CSGALNACT1: variants seen among roughly 807,000 people sequenced by gnomAD.
CSGALNACT1 encodes chondroitin sulfate N-acetylgalactosaminyltransferase 1.
Under a neutral mutation model 51.0 loss-of-function variants are expected in CSGALNACT1, and 52 were observed. That is an observed-to-expected ratio of 1.02 (90% CI 0.82 to 1.29). CSGALNACT1 has a LOEUF of 1.29. Among genes scored for constraint, CSGALNACT1 ranks in the 50% most tolerant of loss-of-function variants. CSGALNACT1 has a pLI of 0.00. For missense variants in CSGALNACT1, 935 were observed against 679.2 expected (o/e 1.38, Z -4.19); for synonymous variants, 341 against 254.4 (o/e 1.34, Z -3.24).
intron 4 of CSGALNACT1, among the ~76,000 whole-genome samples, chr8:19,501,119 A>T (rs945689112): frequency 4.2e-4 from 63 of 151,692 alleles, no homozygotes; most frequent in African/African-American, 1.5e-3. Flanking sequence ...GCATAGTGGC[A>T]CGTGCCTGTA....
intron 2 of CSGALNACT1, among the ~76,000 whole-genome samples, chr8:19,598,906 G>T (rs1029078111): frequency 6.6e-6 from 1 of 152,148 alleles, no homozygotes; most frequent in Non-Finnish European, 1.5e-5. Flanking sequence ...TCATTCTTTT[G>T]TTTGGTGCCT....
chr8:19,665,363 T>G (rs1438105932), intron 1 of CSGALNACT1, among the ~76,000 whole-genome samples: 2 of 152,212 alleles, frequency 1.3e-5, no homozygotes, highest in Non-Finnish European at 2.9e-5. Flanking sequence ...TCTTTTGGGC[T>G]TCCAACACAG....
At chr8:19,613,042 A>AT (rs1353757414) in intron 1 of CSGALNACT1, among the ~76,000 whole-genome samples, 1 of 147,896 alleles carries the variant, frequency 6.8e-6, no homozygotes, top group African/African-American at 2.5e-5. Flanking sequence ...TTTCATATCC[A>AT]TATTTTGGGG....
At chr8:19,677,336 C>T (rs11774408) in intron 1 of CSGALNACT1, among the ~76,000 whole-genome samples, 9,541 of 152,254 alleles carry the variant, frequency 0.063, 368 homozygotes, top group South Asian at 0.11. Flanking sequence ...GTCTTGAAGT[C>T]CTGACCTCAA....
At chr8:19,649,202 A>C (rs1324225046) in intron 1 of CSGALNACT1, among the ~76,000 whole-genome samples, 1 of 152,220 alleles carries the variant, frequency 6.6e-6, no homozygotes, top group African/African-American at 2.4e-5. Context: ...AAGGAGGTTT[A>C]GTCACTTGCC....
chr8:19,418,200 G>A (rs1035398632), intron 8 of CSGALNACT1, among the ~76,000 whole-genome samples: 2 of 152,192 alleles, frequency 1.3e-5, no homozygotes, highest in Non-Finnish European at 2.9e-5. Context: ...CACACTGGGA[G>A]TTTCCACTTC....
chr8:19,675,462 C>G (rs2154200304), intron 1 of CSGALNACT1, among the ~76,000 whole-genome samples: 1 of 152,232 alleles, frequency 6.6e-6, no homozygotes, highest in South Asian at 2.1e-4. Flanking sequence ...GAGGAGAGAG[C>G]TGGAGAGAGA....
intron 1 of CSGALNACT1, among the ~76,000 whole-genome samples, chr8:19,693,650 A>G (rs2061443138): frequency 6.6e-6 from 1 of 152,062 alleles, no homozygotes; most frequent in Non-Finnish European, 1.5e-5. Context: ...TCACATACAG[A>G]GCTTTAGTTC....
chr8:19,753,294 A>C (rs946441028), intron 1 of CSGALNACT1, among the ~76,000 whole-genome samples: 10 of 152,132 alleles, frequency 6.6e-5, no homozygotes. Context: ...TACAACCTTC[A>C]TCCAAAAGTT....
chr8:19,663,406 C>G (rs1010274229), intron 1 of CSGALNACT1, among the ~76,000 whole-genome samples: 9 of 152,198 alleles, frequency 5.9e-5, no homozygotes, highest in Non-Finnish European at 2.9e-5. Flanking sequence ...AAAAATCACT[C>G]ACTACAAGTA....
At chr8:19,603,299 T>C (rs1422556888), upstream of CSGALNACT1, among the ~76,000 whole-genome samples, 2 of 152,162 alleles carry the variant, frequency 1.3e-5, no homozygotes, top group African/African-American at 2.4e-5. Context: ...TCAGCTGAAG[T>C]GTGAGGTGTA....
At chr8:19,485,588 C>A (rs1367428568) in intron 4 of CSGALNACT1, among the ~76,000 whole-genome samples, 1 of 152,046 alleles carries the variant, frequency 6.6e-6, no homozygotes, top group African/African-American at 2.4e-5. Flanking sequence ...AGAAAGCCTA[C>A]TAGCTTATTT....
At chr8:19,405,204 T>C (rs1422366546) in exon 10 of CSGALNACT1, 1 of 449,568 alleles carries the variant, frequency 2.2e-6, no homozygotes, top group South Asian at 1.6e-5. Flanking sequence ...ACCAAAAAGA[T>C]AAGCAGATTA....
At chr8:19,584,242 T>C (rs1269540339) in intron 3 of CSGALNACT1, among the ~76,000 whole-genome samples, 10 of 152,228 alleles carry the variant, frequency 6.6e-5, no homozygotes, top group African/African-American at 2.4e-4. Flanking sequence ...AGAAATCTTG[T>C]GATCCCTAAG....
At chr8:19,646,828 A>G (rs1297815076) in intron 1 of CSGALNACT1, among the ~76,000 whole-genome samples, 3 of 152,174 alleles carry the variant, frequency 2.0e-5, no homozygotes, top group Non-Finnish European at 2.9e-5. Context: ...ACCACCATCT[A>G]TTGCGTTGAC....
chr8:19,532,563 T>A (rs1400261468), intron 3 of CSGALNACT1, among the ~76,000 whole-genome samples: 1 of 152,186 alleles, frequency 6.6e-6, no homozygotes, highest in Non-Finnish European at 1.5e-5. Context: ...AAACCATGGC[T>A]TCAATCATGA....
intron 3 of CSGALNACT1, among the ~76,000 whole-genome samples, chr8:19,548,581 G>C (rs977680679): frequency 6.6e-6 from 1 of 152,032 alleles, no homozygotes; most frequent in Non-Finnish European, 1.5e-5. Flanking sequence ...AAAACATTTT[G>C]TGAAATATGT....
intron 3 of CSGALNACT1, among the ~76,000 whole-genome samples, chr8:19,511,573 ACC>A (rs758880264): frequency 2.0e-5 from 3 of 152,138 alleles, no homozygotes; most frequent in Non-Finnish European, 4.4e-5. Context: ...AATTCCCTCT[ACC>A]CCAGTTGAAT....
intron 1 of CSGALNACT1, among the ~76,000 whole-genome samples, chr8:19,749,302 C>T (rs1175995894): frequency 6.6e-6 from 1 of 150,986 alleles, no homozygotes; most frequent in Non-Finnish European, 1.5e-5. Context: ...ATTACAGTAA[C>T]TTGCTTGAAA....
Sources: allele counts gnomAD v4.1 joint callset (sites outside exome capture counted in the v4.1 genomes callset), GRCh38; gene constraint gnomAD v4.1.1; transcripts MANE v1.5; gene names NCBI Gene and HGNC (gene_info 2026-07-23, HGNC 2026-07-21).